Variants in FGGY observed in about 807,000 individuals in gnomAD.
FGGY encodes FGGY carbohydrate kinase domain containing, also known as FGGY carbohydrate kinase domain-containing protein.
FGGY carries 72 observed loss-of-function variants against 71.3 expected under a neutral mutation model. The ratio of observed to expected loss-of-function variants is 1.01; its 90% CI spans 0.84 to 1.23. FGGY has a LOEUF of 1.23. Among genes scored for constraint, FGGY ranks in the 50% most tolerant of loss-of-function variants. The pLI is 0.00. For synonymous variants in FGGY, 251 were observed against 250.3 expected, an observed-to-expected ratio of 1.00 and a Z score of -0.02; for missense variants, 668 against 682.3, an observed-to-expected ratio of 0.98 and a Z score of 0.23.
At chr1:59,747,502 G>A (rs2098210327) in intron 14 of FGGY, among the ~76,000 whole-genome samples, 1 of 152,212 alleles carries the variant, frequency 6.6e-6, no homozygotes, top group Non-Finnish European at 1.5e-5. Context: ...GTACCGTGAG[G>A]AATAAGGAGT....
At chr1:59,618,717 AT>A (rs1383682125) in intron 9 of FGGY, among the ~76,000 whole-genome samples, 1 of 152,110 alleles carries the variant, frequency 6.6e-6, no homozygotes, top group Non-Finnish European at 1.5e-5. Flanking sequence ...CTCAGTGAGA[AT>A]GAGACTTAGA....
chr1:59,438,533 A>G (rs975583285), intron 5 of FGGY, among the ~76,000 whole-genome samples: 6 of 152,188 alleles, frequency 3.9e-5, no homozygotes, highest in Admixed American at 3.3e-4. Context: ...CAACTTTTCT[A>G]AACACTCAAA....
intron 8 of FGGY, among the ~76,000 whole-genome samples, chr1:59,580,722 A>G (rs1189788809): frequency 1.3e-5 from 2 of 152,102 alleles, no homozygotes; most frequent in African/African-American, 4.8e-5. Flanking sequence ...AGAATTTTCA[A>G]TCCCTCTATT....
intron 8 of FGGY, among the ~76,000 whole-genome samples, chr1:59,568,117 A>G (rs918972705): frequency 6.6e-6 from 1 of 152,164 alleles, no homozygotes; most frequent in African/African-American, 2.4e-5. Flanking sequence ...GTAATCGTGC[A>G]TACTAATATC....
intron 4 of FGGY, among the ~76,000 whole-genome samples, chr1:59,363,712 G>A (rs2056054311): frequency 6.6e-6 from 1 of 152,232 alleles, no homozygotes. Flanking sequence ...ACAGGTGAAG[G>A]TGTTGAGAGG....
chr1:59,634,397 CTCTG>C (rs920875798), intron 10 of FGGY, among the ~76,000 whole-genome samples: 47 of 152,084 alleles, frequency 3.1e-4, no homozygotes, highest in African/African-American at 1.1e-3. Context: ...CAGAGCAAGA[CTCTG>C]TCTGGAAAAA....
At chr1:59,523,084 A>G (rs2094880811) in intron 7 of FGGY, among the ~76,000 whole-genome samples, 1 of 152,210 alleles carries the variant, frequency 6.6e-6, no homozygotes, top group Non-Finnish European at 1.5e-5. Flanking sequence ...GAACAAAAAC[A>G]AAAAAACACA....
chr1:59,477,184 A>G (rs550888611), intron 6 of FGGY, among the ~76,000 whole-genome samples: 1 of 152,238 alleles, frequency 6.6e-6, no homozygotes, highest in Non-Finnish European at 1.5e-5. Context: ...GACACATCGC[A>G]GCTCTTCTGC....
rs112776466 is a variant in FGGY at position 59,553,414 on chromosome 1, G to A, written c.800-710G>A. Reference sequence around the variant, plus strand: ...CTTTCTTGTCATATTTATAACTTTAGTTGCCCTGCAAGTATCAAGGAATAC... The same window carrying A: ...CTTTCTTGTCATATTTATAACTTTAATTGCCCTGCAAGTATCAAGGAATAC... On this transcript the variant is annotated intron_variant, in intron 7 of 15. Coordinates refer to ENST00000303721, the MANE Select transcript of FGGY (RefSeq NM_018291.5). Among the ~76,000 whole-genome samples the A allele has an allele frequency of 6.5e-3, 987 of 152,288 alleles. 9 individuals carry two copies. Among genetic ancestry groups the A allele is most frequent in the African/African-American group, 0.022 (924 of 41,548 alleles).
intron 12 of FGGY, among the ~76,000 whole-genome samples, chr1:59,664,014 C>T (rs567279062): frequency 3.6e-4 from 55 of 152,210 alleles, no homozygotes; most frequent in African/African-American, 1.3e-3. Flanking sequence ...GTGCAAAACC[C>T]TCCATGAAGT....
chr1:59,593,221 G>A lies in FGGY; in HGVS notation c.904-14582G>A, dbSNP rs899089082. On this transcript the variant is annotated intron_variant, in intron 8 of 15. Transcript: ENST00000303721. ...AGAAATGAACCACTGTGCAGGTTCA[G>A]CTGGGTTCCCCTGAATGCATCCTTG... 2.6e-5 allele frequency among the ~76,000 whole-genome samples: 4 copies of A among 152,230 alleles called. No homozygotes were observed. The East Asian group carries it at 7.7e-4, about 29-fold the overall frequency.
At chr1:59,483,957 A>G (rs1302839995) in intron 6 of FGGY, among the ~76,000 whole-genome samples, 1 of 152,180 alleles carries the variant, frequency 6.6e-6, no homozygotes, top group African/African-American at 2.4e-5. Context: ...GGGAAAGGAA[A>G]TAGTGTACTG....
chr1:59,579,314 C>A (rs906164481), intron 8 of FGGY, among the ~76,000 whole-genome samples: 3 of 152,146 alleles, frequency 2.0e-5, no homozygotes, highest in African/African-American at 7.2e-5. Flanking sequence ...CTTGCTTCTT[C>A]AGTGACCTCA....
intron 14 of FGGY, among the ~76,000 whole-genome samples, chr1:59,689,009 C>A (rs1446766310): frequency 1.3e-5 from 2 of 152,172 alleles, no homozygotes; most frequent in Non-Finnish European, 2.9e-5. Flanking sequence ...CTCGGCCTCC[C>A]AAAGTGCTGG....
intron 6 of FGGY, among the ~76,000 whole-genome samples, chr1:59,473,210 C>T (rs2093069577): frequency 6.6e-6 from 1 of 152,146 alleles, no homozygotes; most frequent in Non-Finnish European, 1.5e-5. Context: ...AGGTCTGCAG[C>T]TTCACTCCTG....
chr1:59,377,655 G>A (rs552002142), intron 4 of FGGY, among the ~76,000 whole-genome samples: 2 of 152,216 alleles, frequency 1.3e-5, no homozygotes, highest in South Asian at 4.2e-4. Context: ...TGGGTTGTAT[G>A]ACAACTAGAC....
At chr1:59,371,604 A>AT (rs2057650245) in intron 4 of FGGY, among the ~76,000 whole-genome samples, 1 of 151,962 alleles carries the variant, frequency 6.6e-6, no homozygotes, top group Non-Finnish European at 1.5e-5. Context: ...CAGAATATAC[A>AT]TTTTTTTTCA....
intron 14 of FGGY, among the ~76,000 whole-genome samples, chr1:59,723,575 G>T (rs2097915437): frequency 6.9e-6 from 1 of 145,404 alleles, no homozygotes; most frequent in African/African-American, 2.6e-5. Context: ...GGGGGGGGTG[G>T]TTGGGGGTTT....
chr1:59,707,460 A>G (rs1394236903), intron 14 of FGGY, among the ~76,000 whole-genome samples: 2 of 152,230 alleles, frequency 1.3e-5, no homozygotes, highest in Admixed American at 6.5e-5. Flanking sequence ...CCACAGGGGC[A>G]GTAGGCCCGG....
Sources: allele counts gnomAD v4.1 joint callset (sites outside exome capture counted in the v4.1 genomes callset), GRCh38; gene constraint gnomAD v4.1.1; transcripts MANE v1.5; gene names NCBI Gene and HGNC (gene_info 2026-07-23, HGNC 2026-07-21).